The following ADK variants were observed in gnomAD, a reference collection of about 807,000 sequenced individuals.
ADK encodes adenosine kinase.
Under a neutral mutation model 44.7 loss-of-function variants are expected in ADK, and 24 were observed. That is an observed-to-expected ratio of 0.54 (90% CI 0.39 to 0.76). The LOEUF is 0.76. ADK is among the 30% of genes least tolerant of loss of function. The pLI is 0.00. For missense variants in ADK, 321 were observed against 425.1 expected (o/e 0.76, Z 2.15); for synonymous variants, 128 against 142.6 (o/e 0.90, Z 0.73).
chr10:74,249,259 A>AAT (rs1372151875), intron 3 of ADK, among the ~76,000 whole-genome samples: 1 of 152,174 alleles, frequency 6.6e-6, no homozygotes, highest in African/African-American at 2.4e-5. Flanking sequence ...GCTAGAGGAA[A>AAT]ATAGTGTTCT....
intron 6 of ADK, among the ~76,000 whole-genome samples, chr10:74,418,735 T>G (rs1446195277): frequency 6.6e-6 from 1 of 152,194 alleles, no homozygotes; most frequent in African/African-American, 2.4e-5. Flanking sequence ...AGACTTGTTT[T>G]TCTAAGCATT....
intron 2 of ADK, among the ~76,000 whole-genome samples, chr10:74,203,324 G>T (rs532210621): frequency 1.3e-5 from 2 of 151,860 alleles, no homozygotes; most frequent in South Asian, 2.1e-4. Context: ...CCTTATGCCA[G>T]TATGACATTG....
intron 9 of ADK, among the ~76,000 whole-genome samples, chr10:74,642,156 A>G (rs924935242): frequency 6.6e-6 from 1 of 152,176 alleles, no homozygotes; most frequent in Non-Finnish European, 1.5e-5. Context: ...CTTAAATGTC[A>G]TACTCTCTAC....
chr10:74,391,032 C>G (rs529664121), intron 4 of ADK, among the ~76,000 whole-genome samples: 9 of 152,264 alleles, frequency 5.9e-5, no homozygotes, highest in Middle Eastern at 3.4e-3. Flanking sequence ...ACAGCATCAA[C>G]TTTATATTCA....
chr10:74,323,332 C>T (rs1398994963), intron 4 of ADK, among the ~76,000 whole-genome samples: 1 of 152,164 alleles, frequency 6.6e-6, no homozygotes, highest in Non-Finnish European at 1.5e-5. Flanking sequence ...TTAAATGATA[C>T]AGTGGTACTG....
chr10:74,687,553 C>T (rs1164286473), intron 10 of ADK, among the ~76,000 whole-genome samples: 2 of 152,300 alleles, frequency 1.3e-5, no homozygotes, highest in South Asian at 2.1e-4. Flanking sequence ...AAGGGTAATA[C>T]GTGGATGGGC....
chr10:74,429,758 A>G (rs1353741447), intron 6 of ADK, among the ~76,000 whole-genome samples: 3 of 152,314 alleles, frequency 2.0e-5, no homozygotes, highest in African/African-American at 7.2e-5. Context: ...TGATTCTGTC[A>G]GTACACTAAA....
chr10:74,237,079 C>T (rs1844993822), intron 3 of ADK, among the ~76,000 whole-genome samples: 1 of 152,134 alleles, frequency 6.6e-6, no homozygotes, highest in African/African-American at 2.4e-5. Flanking sequence ...TTTGCTGTGT[C>T]AGAGCCTTCC....
chr10:74,423,863 G>A (rs1844674290), intron 6 of ADK: 1 of 262,400 alleles, frequency 3.8e-6, no homozygotes, highest in Non-Finnish European at 7.8e-6. Context: ...CAGACAGTCT[G>A]TGTAAGGAAG....
At chr10:74,685,456 C>G (rs1279182945) in intron 10 of ADK, among the ~76,000 whole-genome samples, 11 of 152,186 alleles carry the variant, frequency 7.2e-5, no homozygotes, top group Non-Finnish European at 2.9e-5. Flanking sequence ...ACGTGTTTAT[C>G]TGTGCATATA....
intron 4 of ADK, among the ~76,000 whole-genome samples, chr10:74,380,900 C>G (rs1008702284): frequency 6.6e-6 from 1 of 151,998 alleles, no homozygotes; most frequent in South Asian, 2.1e-4. Context: ...AAAGTTGTCC[C>G]GCACCCTCAC....
At chr10:74,238,425 C>T (rs1364310337) in intron 3 of ADK, among the ~76,000 whole-genome samples, 1 of 152,170 alleles carries the variant, frequency 6.6e-6, no homozygotes, top group African/African-American at 2.4e-5. Context: ...TTCCTGGGAA[C>T]ACAGGAACCA....
intron 1 of ADK, among the ~76,000 whole-genome samples, chr10:74,174,895 T>C (rs544325121): frequency 6.6e-6 from 1 of 152,320 alleles, no homozygotes; most frequent in East Asian, 1.9e-4. Flanking sequence ...AAACTTGAAA[T>C]CTTCTGGAAT....
At chr10:74,294,896 C>G (rs1392968697) in intron 3 of ADK, among the ~76,000 whole-genome samples, 1 of 152,006 alleles carries the variant, frequency 6.6e-6, no homozygotes, top group Non-Finnish European at 1.5e-5. Context: ...TGCTCCGTTG[C>G]TCAGGCTGGA....
At position 74,644,051 on chromosome 10, in the gene ADK, T is replaced by A. The variant is rs115217298; in HGVS notation, c.878-26132T>A. ...ATTCTTTTGTTAGGACTTCAATGCC[T>A]TCAAACAGATTTTTTAAAAATATGT... is the stretch of plus-strand genomic sequence containing the variant. On this transcript the variant is annotated intron_variant, in intron 9 of 10. Transcript: ENST00000539909. Among the ~76,000 whole-genome samples, 534 of 152,356 alleles carry A rather than the reference T, an allele frequency of 3.5e-3. 3 individuals are homozygous for A. The highest frequency in any genetic ancestry group is 0.012 in the African/African-American group (518 of 41,584).
intron 6 of ADK, among the ~76,000 whole-genome samples, chr10:74,476,506 AT>A (rs1485481708): frequency 1.3e-5 from 2 of 151,942 alleles, no homozygotes; most frequent in African/African-American, 2.4e-5. Flanking sequence ...AAAAAAAAAA[AT>A]TGCTGAATCA....
At chr10:74,359,400 CTTT>C (rs1842251427) in intron 4 of ADK, among the ~76,000 whole-genome samples, 2 of 152,048 alleles carry the variant, frequency 1.3e-5, no homozygotes, top group East Asian at 3.9e-4. Context: ...CTGTAGCTCA[CTTT>C]GGTTAGTAAA....
intron 9 of ADK, among the ~76,000 whole-genome samples, chr10:74,663,236 A>AG (rs1216476667): frequency 1.3e-5 from 1 of 79,854 alleles, no homozygotes; most frequent in Admixed American, 1.6e-4. Flanking sequence ...TGCTATCTCA[A>AG]AAAAAAAAAA....
At chr10:74,595,104 A>T (rs1452803100) in intron 8 of ADK, among the ~76,000 whole-genome samples, 1 of 140,026 alleles carries the variant, frequency 7.1e-6, no homozygotes, top group Non-Finnish European at 1.5e-5. Flanking sequence ...TTGAACCAGG[A>T]TGTGGAGGTT....
Sources: allele counts gnomAD v4.1 joint callset (sites outside exome capture counted in the v4.1 genomes callset), GRCh38; gene constraint gnomAD v4.1.1; transcripts MANE v1.5; gene names NCBI Gene and HGNC (gene_info 2026-07-23, HGNC 2026-07-21).